The following USP36 variants were observed in gnomAD, a reference collection of about 807,000 sequenced individuals.
USP36 encodes ubiquitin specific peptidase 36.
USP36 carries 59 observed loss-of-function variants against 111.5 expected under a neutral mutation model. The ratio of observed to expected loss-of-function variants is 0.53; its 90% confidence interval spans 0.43 to 0.66. USP36 has a LOEUF of 0.66. USP36 is among the 30% of genes least tolerant of loss of function. USP36 has a pLI of 0.00. For synonymous variants in USP36, 628 were observed against 581.0 expected (o/e 1.08, Z -1.16); for missense variants, 1,488 against 1,468.0 (o/e 1.01, Z -0.22).
chr17:78,821,404 ATATATATATATATATATTT>A lies in USP36; in HGVS notation c.758-362_758-344del, dbSNP rs1488428845. On this transcript the variant is annotated intron_variant, in intron 7 of 20. Transcript: ENST00000449938. ...CTAATGAGAATATATATATATATATATATATATATATATATATTTTTTTTTTTTTTTTTTTTTTTTTGAG... is the reference window on the plus strand; with the variant it reads ...CTAATGAGAATATATATATATATATATTTTTTTTTTTTTTTTTTTTTTGAG... 2.3e-4 allele frequency: 14 copies of A among 62,068 alleles called. No homozygotes were observed. The East Asian group carries it at 3.0e-3, about 13-fold the overall frequency. 3.8% of individuals were successfully genotyped at this position (62,068 alleles called of 1,614,324 possible).
chr17:78,798,325 CCCA>C lies in USP36; in HGVS notation c.*20+72_*20+74del. 6.4e-7 allele frequency: 1 copy of C among 1,560,942 alleles called. No homozygotes were observed. The highest frequency in any genetic ancestry group is 8.7e-7 in the Non-Finnish European group (1 of 1,153,048). On this transcript the variant is annotated intron_variant, in intron 20 of 20. Transcript: ENST00000449938. The surrounding 1 kb of genome is among the most constrained non-coding windows in gnomAD (Gnocchi z 5.1). ...CATACATCATACACACACGCCACACCCCACCACACCCCTACACACATACACGGC... is the reference window on the plus strand; with the variant it reads ...CATACATCATACACACACGCCACACCCCACACCCCTACACACATACACGGC...
At position 78,812,934 on chromosome 17, in the gene USP36, G is replaced by T. The variant is rs200588002; in HGVS notation, c.1333C>A (p.Arg445Ser). The T allele has an allele frequency of 4.3e-6, 7 of 1,614,002 alleles. No homozygotes were observed. In the African/African-American group the frequency reaches 6.7e-5, roughly 15 times the overall value. Residue 445 changes from arginine to serine, a missense_variant, in exon 13 of 21, where the codon CGC becomes AGC. Physicochemically the swap from Arg to Ser is moderately radical, Grantham distance 110. Coordinates refer to ENST00000449938, the MANE Select transcript of USP36 (RefSeq NM_001385174.1). ...GAGTGATCTGGAATCACACTCGGGC[G>T]GCCGGGAAGGGAGGAGGAGCCTGTC... ...SRTGSSSLPG[R>S]PSVIPDHSKK...
chr17:78,822,924 C>T (rs1436042293), intron 6 of USP36, among the ~76,000 whole-genome samples: 1 of 152,166 alleles, frequency 6.6e-6, no homozygotes, highest in Non-Finnish European at 1.5e-5. Context: ...CTTCCCCTCT[C>T]CCCAGGCTCT....
rs1014510414 is a variant in USP36, at chr17:78,798,059, CCA to C, written c.*21-182_*21-181del. The C allele has an allele frequency of 2.7e-5, 7 of 262,368 alleles. No homozygotes were observed. Among genetic ancestry groups the C allele is most frequent in the Non-Finnish European group, 4.5e-5 (6 of 133,832 alleles). The allele number at this position is 262,368 out of a possible 1,614,324, so 16.3% of individuals were successfully genotyped here. On this transcript the variant is annotated intron_variant, in intron 20 of 20. Transcript: ENST00000449938. The surrounding 1 kb of genome is among the most constrained non-coding windows in gnomAD (Gnocchi z 5.1). ...GCCAGATATACACACAACCCACATC[CCA>C]CACACACCCCACACATGCCCTTCTC...
At chr17:78,836,413 AT>A in intron 2 of USP36, 41 bp from the exon 3 acceptor site, 3 of 1,591,770 alleles carry the variant, frequency 1.9e-6, no homozygotes, top group Non-Finnish European at 2.6e-6. Context: ...AGATAACGAA[AT>A]CCCGGGACAA....
In USP36 at chr17:78,813,902, CA is replaced by C. The variant is rs1264899542; in HGVS notation, c.1165-30del. ...AAGCAGCCAAGGATGTTGCAGAAAA[CA>C]AAACAATCAACAAGCATCCCATTAT... is the stretch of plus-strand genomic sequence containing the variant. On this transcript the variant is annotated intron_variant, in intron 11 of 20. Coordinates refer to ENST00000449938, the MANE Select transcript of USP36 (RefSeq NM_001385174.1). 6 of 1,592,608 alleles carry C rather than the reference CA, an allele frequency of 3.8e-6. No homozygotes were observed. The South Asian group carries it at 6.7e-5, about 18-fold the overall frequency.
chr17:78,789,197 C>CA (rs869247026), intron 3 of USP36, among the ~76,000 whole-genome samples: 26,107 of 65,272 alleles, frequency 0.4, 3,748 homozygotes, highest in Non-Finnish European at 0.49. Flanking sequence ...AACTTGGTCC[C>CA]AAAAAAAAAA....
chr17:78,837,332 GAGA>G, intron 2 of USP36, among the ~76,000 whole-genome samples: 2 of 152,128 alleles, frequency 1.3e-5, no homozygotes, highest in Middle Eastern at 3.4e-3. Context: ...CTTATCAAAA[GAGA>G]AGAAGAAAAG....
intron 17 of USP36, 113 bp from the exon 18 acceptor site, chr17:78,799,881 T>TTTC: frequency 7.6e-6 from 3 of 394,674 alleles, no homozygotes; most frequent in Non-Finnish European, 1.1e-5. Flanking sequence ...GCTTGCCTTT[T>TTTC]TTTTTTTTTT....
rs766657162 is a variant in USP36, at chr17:78,803,345, C to T, written c.2810+40G>A. ...GATTCTGTGGTTTTGCTTTGTTTCT[C>T]GTCAGAGGTAGACAGATGCCACTTT... On this transcript the variant is annotated intron_variant, in intron 16 of 20. Coordinates refer to ENST00000449938, the MANE Select transcript of USP36 (RefSeq NM_001385174.1). The surrounding 1 kb of genome is among the most constrained non-coding windows in gnomAD (Gnocchi z 4.6). 19 of 1,575,502 alleles carry T rather than the reference C, an allele frequency of 1.2e-5. 1 individual carries two copies. The highest frequency in any genetic ancestry group is 9.4e-5 in the African/African-American group (7 of 74,216).
At position 78,799,713 on chromosome 17, in the gene USP36, G is replaced by A; in HGVS notation, c.3078C>T (p.Val1026=). Residue 1026 remains valine, a synonymous_variant, in exon 18 of 21, where the codon GTC becomes GTT. Transcript: ENST00000449938. The part of the protein sequence containing the change: ...SWNGERESDV[V]QELLKYSSDK... ...CAGATGAGTATTTGAGCAGTTCCTG[G>A]ACCACATCAGACTCCCGCTCTCCAT... 6.2e-7 allele frequency: 1 copy of A among 1,612,964 alleles called. No homozygotes were observed. Among genetic ancestry groups the A allele is most frequent in the Non-Finnish European group, 8.5e-7 (1 of 1,179,592 alleles).
rs1191702584 is a variant in USP36 at position 78,836,244 on chromosome 17, G to A, written c.120C>T (p.Ile40=). 16 of 1,613,944 alleles carry A rather than the reference G, an allele frequency of 9.9e-6. No individual in the cohort carries two copies. In the East Asian group the frequency reaches 1.6e-4, roughly 16 times the overall value. The change falls in exon 3 of 21, where the codon ATC becomes ATT. Residue 40 remains isoleucine (I), a synonymous_variant. Coordinates refer to ENST00000449938, the MANE Select transcript of USP36 (RefSeq NM_001385174.1). ...AGCTCTTGCTGGCTGGCTCGAACTCGATTTTCTGTAAAAGGACCTTCTTGG... is the reference window on the plus strand; with the variant it reads ...AGCTCTTGCTGGCTGGCTCGAACTCAATTTTCTGTAAAAGGACCTTCTTGG... ...SSAKKVLLQK[I]EFEPASKSFS... is the part of the protein sequence containing the mutation.
chr17:78,830,554 C>T (rs1295433049), intron 4 of USP36, among the ~76,000 whole-genome samples: 1 of 152,204 alleles, frequency 6.6e-6, no homozygotes, highest in Non-Finnish European at 1.5e-5. Flanking sequence ...GGCAAGCACG[C>T]CTTCAAATCT....
intron 11 of USP36, 48 bp downstream of exon 11, chr17:78,814,363 GT>G: frequency 6.2e-7 from 1 of 1,607,206 alleles, no homozygotes; most frequent in African/African-American, 1.3e-5. Flanking sequence ...ATGTGCATGG[GT>G]GCTGAAACCT....
At position 78,829,003 on chromosome 17, in the gene USP36, G is replaced by A. The variant is rs2067835677; in HGVS notation, c.480C>T (p.His160=). 1 of 1,612,078 alleles carries A rather than the reference G, an allele frequency of 6.2e-7. No individual in the cohort carries two copies. The highest frequency in any genetic ancestry group is 1.7e-5 in the Admixed American group (1 of 59,770). Residue 160 remains histidine (H), a synonymous_variant, in exon 5 of 21, where the codon CAC becomes CAT. Transcript: ENST00000449938. ...CACACAGCATGCAGAAGCTTCCCTG[G>A]TGGCCTGCCGGCGTGGAAGGAGGAG... ...LLSKEHARSC[H]QGSFCMLCVM...
At chr17:78,833,935 G>A (rs1173663999) in intron 4 of USP36, among the ~76,000 whole-genome samples, 3 of 152,034 alleles carry the variant, frequency 2.0e-5, no homozygotes, top group African/African-American at 7.2e-5. Context: ...TAAAGGATTG[G>A]AATTGTTTCT....
chr17:78,796,287 G>A lies in USP36; in HGVS notation c.*1613C>T, dbSNP rs986274615. On this transcript the variant is annotated 3_prime_UTR_variant, in exon 21 of 21. Coordinates refer to ENST00000449938, the MANE Select transcript of USP36 (RefSeq NM_001385174.1). ...GGGAACAGTTCACACAGGAATGCAAGTCAACACCCCGAGAAGAAAAGGAAC... is the reference window on the plus strand; with the variant it reads ...GGGAACAGTTCACACAGGAATGCAAATCAACACCCCGAGAAGAAAAGGAAC... The A allele has an allele frequency of 6.6e-6, 1 of 152,140 alleles. No homozygotes were observed. The highest frequency in any genetic ancestry group is 1.5e-5 in the Non-Finnish European group (1 of 68,046). The allele number at this position is 152,140 out of a possible 1,614,324, so 9.4% of individuals were successfully genotyped here.
downstream of USP36, among the ~76,000 whole-genome samples, chr17:78,793,714 C>T (rs1222294623): frequency 2.0e-5 from 3 of 152,160 alleles, no homozygotes; most frequent in Non-Finnish European, 4.4e-5. Flanking sequence ...CAGGGATTCT[C>T]ACAGCACCGT....
At chr17:78,816,153 GCAT>G (rs1567942782) in intron 10 of USP36, among the ~76,000 whole-genome samples, 3 of 151,576 alleles carry the variant, frequency 2.0e-5, no homozygotes, top group African/African-American at 7.3e-5. Flanking sequence ...AAAAACATAC[GCAT>G]AATTTTTTTT....
Sources: gnomAD v4.1 joint callset for allele counts (sites outside exome capture counted in the v4.1 genomes callset) on GRCh38, gnomAD v4.1.1 for gene constraint, Gnocchi (gnomAD v3.1) non-coding constraint, MANE v1.5 for transcripts, NCBI Gene and HGNC (gene_info 2026-07-23, HGNC 2026-07-21) for gene names.